Variants in ADGRL3 observed in about 807,000 individuals in gnomAD.
ADGRL3 encodes the protein adhesion G protein-coupled receptor L3.
In ADGRL3, 62 loss-of-function variants were observed where a neutral mutation model predicts 153.5. The observed-to-expected ratio is 0.40, with a 90% CI of 0.33 to 0.50. ADGRL3 has a LOEUF of 0.50. Among genes scored for constraint, ADGRL3 ranks in the 20% least tolerant of loss-of-function variants. ADGRL3 has a pLI of 0.47. For synonymous variants in ADGRL3, 710 were observed against 672.5 expected (o/e 1.06, Z -0.86); for missense variants, 1,641 against 1,859.4 (o/e 0.88, Z 2.16).
At chr4:61,292,175 T>C (rs2094245540) in intron 1 of ADGRL3, among the ~76,000 whole-genome samples, 1 of 151,980 alleles carries the variant, frequency 6.6e-6, no homozygotes, top group African/African-American at 2.4e-5. Context: ...GTGCAACTTA[T>C]AGAGGACCTA....
At chr4:61,973,364 A>G (rs1268856294) in intron 17 of ADGRL3, among the ~76,000 whole-genome samples, 1 of 151,638 alleles carries the variant, frequency 6.6e-6, no homozygotes, top group Non-Finnish European at 1.5e-5. Context: ...TCCTCCCATC[A>G]CTCCACTTTC....
intron 5 of ADGRL3, among the ~76,000 whole-genome samples, chr4:61,630,963 T>G (rs922524829): frequency 1.3e-5 from 2 of 152,200 alleles, no homozygotes; most frequent in African/African-American, 4.8e-5. Flanking sequence ...AATAAATGCT[T>G]ACTACGTGAT....
At chr4:61,821,829 T>C (rs962841809) in intron 9 of ADGRL3, among the ~76,000 whole-genome samples, 6 of 152,214 alleles carry the variant, frequency 3.9e-5, no homozygotes, top group African/African-American at 1.4e-4. Flanking sequence ...ATCCACTCAC[T>C]GAAAATATTT....
At chr4:61,824,579 G>C (rs1303306182) in intron 9 of ADGRL3, among the ~76,000 whole-genome samples, 1 of 152,098 alleles carries the variant, frequency 6.6e-6, no homozygotes, top group African/African-American at 2.4e-5. Context: ...CAGACAGCTG[G>C]CTGGTAGTTG....
chr4:61,564,564 C>T (rs1033589863), intron 4 of ADGRL3, among the ~76,000 whole-genome samples: 2 of 152,162 alleles, frequency 1.3e-5, no homozygotes, highest in African/African-American at 2.4e-5. Flanking sequence ...TGAGCCAGAG[C>T]GTTTGGCCCA....
At chr4:61,453,675 C>T (rs960918871) in intron 2 of ADGRL3, among the ~76,000 whole-genome samples, 2 of 152,076 alleles carry the variant, frequency 1.3e-5, no homozygotes, top group African/African-American at 4.8e-5. Context: ...CTTTATAAAT[C>T]CATGTTCGTT....
At chr4:61,530,374 G>T (rs1216005757) in intron 4 of ADGRL3, among the ~76,000 whole-genome samples, 1 of 150,626 alleles carries the variant, frequency 6.6e-6, no homozygotes, top group Non-Finnish European at 1.5e-5. Context: ...CAGAAATTGG[G>T]TTTGCTACCC....
intron 6 of ADGRL3, among the ~76,000 whole-genome samples, chr4:61,716,855 G>T (rs1352834280): frequency 1.3e-5 from 2 of 152,060 alleles, no homozygotes; most frequent in African/African-American, 4.8e-5. Flanking sequence ...CAGCACACCA[G>T]GATTTTATAC....
chr4:61,972,567 A>G (rs1007499492), intron 17 of ADGRL3, among the ~76,000 whole-genome samples: 2 of 152,166 alleles, frequency 1.3e-5, no homozygotes, highest in African/African-American at 4.8e-5. Context: ...GTAGCCTTGT[A>G]GTATAGTTTG....
At chr4:61,894,418 T>A (rs2098611898) in intron 10 of ADGRL3, among the ~76,000 whole-genome samples, 1 of 152,162 alleles carries the variant, frequency 6.6e-6, no homozygotes, top group South Asian at 2.1e-4. Context: ...CTCATTTTAT[T>A]TAGGAAAAAG....
intron 16 of ADGRL3, 131 bp downstream of exon 16, chr4:61,947,253 A>T: frequency 1.4e-6 from 1 of 722,068 alleles, no homozygotes; most frequent in Non-Finnish European, 2.2e-6. Flanking sequence ...TGTACAATGT[A>T]GTGGTAATTT....
intron 1 of ADGRL3, among the ~76,000 whole-genome samples, chr4:61,258,959 G>A (rs1281320969): frequency 6.6e-6 from 1 of 152,018 alleles, no homozygotes; most frequent in Non-Finnish European, 1.5e-5. Flanking sequence ...TACTAATTTG[G>A]ACTTTCCTCT....
At chr4:61,372,836 C>A (rs563398562) in intron 1 of ADGRL3, among the ~76,000 whole-genome samples, 1 of 152,140 alleles carries the variant, frequency 6.6e-6, no homozygotes, top group Non-Finnish European at 1.5e-5. Context: ...GTCTCGCTGC[C>A]GCCTTGCAGT....
intron 3 of ADGRL3, among the ~76,000 whole-genome samples, chr4:61,507,989 TG>T (rs1223689581): frequency 6.6e-6 from 1 of 152,190 alleles, no homozygotes; most frequent in Non-Finnish European, 1.5e-5. Context: ...AAAGGTTTTT[TG>T]TTACCATGAA....
At chr4:61,282,498 G>C (rs1210639708) in intron 1 of ADGRL3, among the ~76,000 whole-genome samples, 3 of 151,990 alleles carry the variant, frequency 2.0e-5, no homozygotes, top group African/African-American at 4.8e-5. Flanking sequence ...TGGTAGTGTA[G>C]TATAGTGAGA....
intron 1 of ADGRL3, among the ~76,000 whole-genome samples, chr4:61,251,870 T>A (rs571869829): frequency 6.7e-6 from 1 of 149,894 alleles, no homozygotes; most frequent in African/African-American, 2.4e-5. Context: ...TAAGATTCTT[T>A]TTTTTTTTAA....
chr4:61,204,358 T>A (rs1736162638), intron 1 of ADGRL3, among the ~76,000 whole-genome samples: 1 of 152,246 alleles, frequency 6.6e-6, no homozygotes, highest in Non-Finnish European at 1.5e-5. Flanking sequence ...CATTTCTAGA[T>A]GATACGTATT....
At chr4:61,363,965 T>C (rs1431388975) in intron 1 of ADGRL3, among the ~76,000 whole-genome samples, 3 of 152,102 alleles carry the variant, frequency 2.0e-5, no homozygotes, top group Non-Finnish European at 4.4e-5. Flanking sequence ...ATATATATAA[T>C]CTGTGATAAA....
chr4:61,726,210 G>GTTCTTTTTTTTTTTTTTTTTTTT (rs2096336557), intron 6 of ADGRL3, among the ~76,000 whole-genome samples: 1 of 118,480 alleles, frequency 8.4e-6, no homozygotes, highest in Non-Finnish European at 1.7e-5. Flanking sequence ...TTTTTTTTTT[G>GTTCTTTTTTTTTTTTTTTTTTTT]TTTTTTGAGA....
Sources: gnomAD v4.1 joint callset for allele counts (sites outside exome capture counted in the v4.1 genomes callset) on GRCh38, gnomAD v4.1.1 for gene constraint, MANE v1.5 for transcripts, NCBI Gene and HGNC (gene_info 2026-07-23, HGNC 2026-07-21) for gene names.